Variants in CYLC2 observed in about 807,000 individuals in gnomAD.
CYLC2 encodes the protein cylicin 2.
CYLC2 carries 30 observed loss-of-function variants against 26.1 expected under a neutral mutation model. The observed-to-expected ratio is 1.15, with a 90% CI of 0.86 to 1.56. The LOEUF is 1.56. CYLC2 is among the 40% of genes most tolerant of loss of function. The pLI is 0.00. For synonymous variants in CYLC2, 158 were observed against 132.8 expected, an observed-to-expected ratio of 1.19 and a Z score of -1.31; for missense variants, 498 against 394.4, an observed-to-expected ratio of 1.26 and a Z score of -2.23.
intron 6 of CYLC2, among the ~76,000 whole-genome samples, chr9:103,016,496 A>T (rs549878583): frequency 1.3e-5 from 2 of 152,140 alleles, no homozygotes; most frequent in East Asian, 3.9e-4. Flanking sequence ...TCCACAAGCC[A>T]TTTATCCCAT....
rs1829333353 is a variant in CYLC2, at chr9:103,005,391, G to A, written c.760G>A (p.Gly254Ser). Reference protein sequence around the residue: ...DEDGKKDANKGDESKDAKKDA... With the variant: ...DEDGKKDANKSDESKDAKKDA... ...GGATGGAAAAAAAGATGCAAACAAA[G>A]GTGATGAATCGAAGGATGCCAAGAA... is the stretch of plus-strand genomic sequence containing the variant. The change falls in exon 5 of 8, where the codon GGT becomes AGT. Residue 254 changes from glycine (G) to serine (S), a missense_variant. Physicochemically the swap from Gly to Ser is moderately conservative, Grantham distance 56. Coordinates refer to ENST00000374798, the MANE Select transcript of CYLC2 (RefSeq NM_001340.5). 6.2e-7 allele frequency: 1 copy of A among 1,613,904 alleles called. No individual in the cohort carries two copies. The highest frequency in any genetic ancestry group is 8.5e-7 in the Non-Finnish European group (1 of 1,179,956).
rs142695278 is a variant in CYLC2 at position 103,005,635 on chromosome 9, C to T, written c.1004C>T (p.Ala335Val). 8.9e-4 allele frequency: 1,429 copies of T among 1,610,998 alleles called. 3 individuals carry two copies. The highest frequency in any genetic ancestry group is 1.0e-3 in the Non-Finnish European group (1,233 of 1,179,318). The change falls in exon 5 of 8, where the codon GCA (alanine) becomes GTA (valine). Residue 335 changes from alanine (A) to valine (V), a missense_variant. Transcript: ENST00000374798. The part of the protein sequence containing the change: ...KDAKKDAKKN[A>V]KKDEKKDAKK... ...GCAAAGAAGGATGCAAAGAAGAATG[C>T]AAAGAAGGATGAAAAGAAGGATGCA...
rs142164014 is a variant in CYLC2, at chr9:103,012,990, G to A, written c.*816+893G>A. On this transcript the variant is annotated intron_variant, in intron 6 of 7. Transcript: ENST00000374798. ...AAACTTTGAAAGTGCATTTCTGTTG[G>A]CTGGAAAAAAAAGGAAAGGGTATGA... Among the ~76,000 whole-genome samples, 761 of 148,534 alleles carry A rather than the reference G, an allele frequency of 5.1e-3. 5 individuals are homozygous for A. Among genetic ancestry groups the A allele is most frequent in the African/African-American group, 0.018 (721 of 40,696 alleles).
At chr9:103,002,094 C>T (rs892590241) in intron 2 of CYLC2, among the ~76,000 whole-genome samples, 2 of 151,968 alleles carry the variant, frequency 1.3e-5, no homozygotes, top group Non-Finnish European at 2.9e-5. Flanking sequence ...TTTTTCTGTA[C>T]ATTTTTCCCA....
In CYLC2 at chr9:103,005,468, TACAG is replaced by T. The variant is rs1474560325; in HGVS notation, c.842_845del (p.Asp281ValfsTer74). ...AGAAAGATAAGAAGAAGCCCAGTAG[TACAG>T]ACAGTGACTCAAAGGATGATGTCAA... On this transcript the variant is annotated frameshift_variant, in exon 5 of 8. Transcript: ENST00000374798. LOFTEE classifies it low-confidence loss of function (END_TRUNC). 5 of 1,613,514 alleles carry T rather than the reference TACAG, an allele frequency of 3.1e-6. No homozygotes were observed. Among genetic ancestry groups the T allele is most frequent in the East Asian group, 2.2e-5 (1 of 44,864 alleles).
chr9:103,001,674 T>A (rs115228575), intron 2 of CYLC2, 56 bp downstream of exon 2: 17 of 1,058,282 alleles, frequency 1.6e-5, no homozygotes, highest in Non-Finnish European at 2.1e-5. Flanking sequence ...TTATGGTAAG[T>A]ATTATCCTCT....
At chr9:103,002,643 C>A (rs986354939) in intron 2 of CYLC2, among the ~76,000 whole-genome samples, 1 of 151,984 alleles carries the variant, frequency 6.6e-6, no homozygotes, top group Non-Finnish European at 1.5e-5. Context: ...TGAGCCACCG[C>A]GCCTGGCTGC....
Position 103,015,162 on chromosome 9 carries a change from A to T in CYLC2, c.*817-1726A>T, listed in dbSNP as rs1213083698. ...AACATGTATATCACGTGATATACAT[A>T]ACATGTATATCACGTGATATACATA... On this transcript the variant is annotated intron_variant, in intron 6 of 7. Coordinates refer to ENST00000374798, the MANE Select transcript of CYLC2 (RefSeq NM_001340.5). 4.1e-5 allele frequency among the ~76,000 whole-genome samples: 2 copies of T among 48,588 alleles called. 1 individual carries two copies. The highest frequency in any genetic ancestry group is 7.2e-5 in the Non-Finnish European group (2 of 27,622). 31.9% of individuals were successfully genotyped at this position (48,588 alleles called of 152,430 possible).
intron 3 of CYLC2, 104 bp from the exon 4 acceptor site, chr9:103,004,591 C>A: frequency 1.2e-6 from 1 of 842,694 alleles, no homozygotes; most frequent in South Asian, 2.8e-5. Context: ...TTAACAAAAG[C>A]TAAAATCTTT....
intron 5 of CYLC2, among the ~76,000 whole-genome samples, chr9:103,010,282 A>G (rs1205304218): frequency 6.6e-6 from 1 of 152,126 alleles, no homozygotes; most frequent in Non-Finnish European, 1.5e-5. Context: ...ATACAAAATT[A>G]TTGCATAATT....
At chr9:103,014,137 ATT>A (rs1829457696) in intron 6 of CYLC2, among the ~76,000 whole-genome samples, 1 of 119,662 alleles carries the variant, frequency 8.4e-6, no homozygotes, top group African/African-American at 3.4e-5. Flanking sequence ...ATTATAATAT[ATT>A]AAATATATTA....
At chr9:103,014,040 A>C (rs1274420651) in intron 6 of CYLC2, among the ~76,000 whole-genome samples, 1 of 117,644 alleles carries the variant, frequency 8.5e-6, no homozygotes, top group Non-Finnish European at 1.6e-5. Context: ...TATTATATAC[A>C]TACTTTATAT....
chr9:102,995,563 G>T (rs1459242584), intron 1 of CYLC2, among the ~76,000 whole-genome samples, 166 bp downstream of exon 1: 1 of 151,788 alleles, frequency 6.6e-6, no homozygotes, highest in East Asian at 1.9e-4. Flanking sequence ...AGATTTTTTT[G>T]ATTTAAGACA....
chr9:103,007,753 A>G (rs944522926), intron 5 of CYLC2, among the ~76,000 whole-genome samples: 1 of 152,178 alleles, frequency 6.6e-6, no homozygotes, highest in African/African-American at 2.4e-5. Context: ...ATTCTTCCTG[A>G]CACAAACTTT....
chr9:103,018,278 G>A (rs546173784), intron 7 of CYLC2, 47 bp from the exon 8 acceptor site: 40 of 151,944 alleles, frequency 2.6e-4, no homozygotes, highest in Non-Finnish European at 1.5e-5. Flanking sequence ...ACTGCTTCTG[G>A]GAGAAGGTTT....
At chr9:103,003,884 T>C (rs972823675) in intron 3 of CYLC2, among the ~76,000 whole-genome samples, 3 of 152,066 alleles carry the variant, frequency 2.0e-5, no homozygotes, top group African/African-American at 4.8e-5. Context: ...GGAAAATAAA[T>C]ATTTCGCAAT....
intron 5 of CYLC2, among the ~76,000 whole-genome samples, chr9:103,010,422 C>T (rs1484577107): frequency 5.3e-5 from 8 of 152,086 alleles, no homozygotes; most frequent in African/African-American, 1.9e-4. Context: ...CGTATTATCA[C>T]TTAATCCTCA....
At chr9:103,002,032 G>A (rs920842846) in intron 2 of CYLC2, among the ~76,000 whole-genome samples, 1 of 152,008 alleles carries the variant, frequency 6.6e-6, no homozygotes, top group African/African-American at 2.4e-5. Flanking sequence ...TGATTTTGAA[G>A]AACTTCAAAT....
Position 102,995,920 on chromosome 9 carries a change from G to A in CYLC2, c.17+523G>A, listed in dbSNP as rs151008647. On this transcript the variant is annotated intron_variant, in intron 1 of 7. Coordinates refer to ENST00000374798, the MANE Select transcript of CYLC2 (RefSeq NM_001340.5). ...TGAGTATGTGGAAGTACTTTGTAAT[G>A]TAAAGCATATAATCCAGACATGAGA... 2.3e-3 allele frequency among the ~76,000 whole-genome samples: 353 copies of A among 151,904 alleles called. 1 individual carries two copies. Among genetic ancestry groups the A allele is most frequent in the African/African-American group, 8.1e-3 (336 of 41,512 alleles).
Sources: allele counts gnomAD v4.1 joint callset (sites outside exome capture counted in the v4.1 genomes callset), GRCh38; gene constraint gnomAD v4.1.1; transcripts MANE v1.5; gene names NCBI Gene and HGNC (gene_info 2026-07-23, HGNC 2026-07-21).